The following EPB41L5 variants were observed in gnomAD, a reference collection of about 807,000 sequenced individuals.
EPB41L5 encodes band 4.1-like protein 5.
EPB41L5 carries 55 observed loss-of-function variants against 106.6 expected under a neutral mutation model. That is an observed-to-expected ratio of 0.52 (90% confidence interval 0.42 to 0.65). EPB41L5 has a LOEUF of 0.65. EPB41L5 is among the 30% of genes least tolerant of loss of function. The probability of loss-of-function intolerance (pLI) is 0.00; values close to 1 mark genes in which losing one functional copy is unlikely to be tolerated. For missense variants in EPB41L5, 871 were observed against 882.1 expected (o/e 0.99, Z 0.16); for synonymous variants, 297 against 306.7 (o/e 0.97, Z 0.33).
intron 18 of EPB41L5, among the ~76,000 whole-genome samples, chr2:120,134,888 A>G (rs1373949595): frequency 1.3e-5 from 2 of 152,156 alleles, no homozygotes; most frequent in Non-Finnish European, 2.9e-5. Context: ...CCAACTCTTT[A>G]ATGCCCAGAC....
chr2:120,073,805 T>C (rs984666861), intron 4 of EPB41L5, among the ~76,000 whole-genome samples: 1 of 152,196 alleles, frequency 6.6e-6, no homozygotes, highest in African/African-American at 2.4e-5. Context: ...TTCTTCAGTG[T>C]AGCAGGTTTT....
At chr2:120,038,000 A>G (rs1333806512) in intron 2 of EPB41L5, among the ~76,000 whole-genome samples, 1 of 152,246 alleles carries the variant, frequency 6.6e-6, no homozygotes, top group Non-Finnish European at 1.5e-5. Context: ...GTAGGATATG[A>G]TAACAAAAGC....
intron 16 of EPB41L5, among the ~76,000 whole-genome samples, chr2:120,103,401 G>T (rs192065931): frequency 6.6e-6 from 1 of 152,278 alleles, no homozygotes; most frequent in East Asian, 1.9e-4. Context: ...CTTGGAGAGG[G>T]TGTATCATCT....
At chr2:120,095,178 GTTT>G (rs1683663726) in intron 14 of EPB41L5, among the ~76,000 whole-genome samples, 1 of 152,020 alleles carries the variant, frequency 6.6e-6, no homozygotes, top group African/African-American at 2.4e-5. Flanking sequence ...TTCTGTTTTT[GTTT>G]CATGTATGTT....
chr2:120,070,392 T>C (rs1045411798), intron 3 of EPB41L5, among the ~76,000 whole-genome samples: 28 of 152,340 alleles, frequency 1.8e-4, no homozygotes, highest in African/African-American at 6.3e-4. Flanking sequence ...AGCCGAATTC[T>C]ACCAGAGGTA....
At chr2:120,068,287 G>A (rs1681594773) in intron 3 of EPB41L5, among the ~76,000 whole-genome samples, 1 of 152,266 alleles carries the variant, frequency 6.6e-6, no homozygotes. Context: ...GCCACCTGCA[G>A]ACCAGGAGAT....
chr2:120,093,221 T>A, intron 13 of EPB41L5, 28 bp from the exon 14 acceptor site: 1 of 1,602,104 alleles, frequency 6.2e-7, no homozygotes, highest in South Asian at 1.1e-5. Context: ...ATGAAACTAA[T>A]GAGGTGTTAT....
intron 16 of EPB41L5, among the ~76,000 whole-genome samples, chr2:120,122,234 T>G (rs1041827204): frequency 6.6e-6 from 1 of 152,192 alleles, no homozygotes; most frequent in Non-Finnish European, 1.5e-5. Flanking sequence ...GGTGTTTTAG[T>G]CATGGATTCC....
intron 1 of EPB41L5, 87 bp from the exon 2 acceptor site, chr2:120,018,990 T>C: frequency 2.5e-6 from 3 of 1,187,588 alleles, no homozygotes; most frequent in Non-Finnish European, 3.6e-6. Context: ...TCACAGGACT[T>C]GACTAAATAA....
Position 120,142,996 on chromosome 2 carries a change from T to C in EPB41L5, c.1600-7T>C. The stretch of plus-strand genomic sequence containing the variant: ...AGTTGATTATAGTATATTTTTAAAA[T>C]ATCTAGGAGGAAGTGGTGAAGTTGA... On this transcript the variant is annotated splice_polypyrimidine_tract_variant and splice_region_variant and intron_variant, in intron 18 of 24. Transcript: ENST00000263713. 1.9e-6 allele frequency: 3 copies of C among 1,609,232 alleles called. No individual in the cohort carries two copies. Among genetic ancestry groups the C allele is most frequent in the South Asian group, 1.1e-5 (1 of 90,848 alleles).
chr2:120,082,654 CAGTT>C (rs1397171968), intron 10 of EPB41L5, among the ~76,000 whole-genome samples: 5 of 152,040 alleles, frequency 3.3e-5, no homozygotes, highest in African/African-American at 1.2e-4. Flanking sequence ...CTTTTTCTAT[CAGTT>C]AGAATAGTTT....
At chr2:120,108,037 T>C (rs990767342) in intron 16 of EPB41L5, 3 of 152,196 alleles carry the variant, frequency 2.0e-5, no homozygotes, top group Non-Finnish European at 4.4e-5. Flanking sequence ...GCTTTTTTAT[T>C]GTTATTTTTA....
intron 14 of EPB41L5, 102 bp downstream of exon 14, chr2:120,093,378 C>T: frequency 1.1e-6 from 1 of 918,420 alleles, no homozygotes; most frequent in South Asian, 1.3e-5. Flanking sequence ...GTCAAGTTGT[C>T]CGTAAAGCAC....
At chr2:120,111,242 G>T (rs1001610172) in intron 16 of EPB41L5, among the ~76,000 whole-genome samples, 3 of 152,162 alleles carry the variant, frequency 2.0e-5, no homozygotes, top group African/African-American at 7.2e-5. Context: ...TTAGTTTGAG[G>T]CCACGGATTT....
Position 120,053,264 on chromosome 2 carries a change from A to G in EPB41L5, c.285+11154A>G, listed in dbSNP as rs188838026. Among the ~76,000 whole-genome samples the G allele has an allele frequency of 9.8e-5, 15 of 152,304 alleles. No individual in the cohort carries two copies. The East Asian group carries it at 2.7e-3, about 27-fold the overall frequency. On this transcript the variant is annotated intron_variant, in intron 3 of 24. Transcript: ENST00000263713. ...TTGGAGTAGGAAGCTTAAAGAGAAG[A>G]GAGAAGGCATGCTTAAGTAAAAGAA...
chr2:120,149,888 T>C (rs1345467193), intron 20 of EPB41L5, among the ~76,000 whole-genome samples: 1 of 142,560 alleles, frequency 7.0e-6, no homozygotes, highest in African/African-American at 2.5e-5. Context: ...GGTATTTCAC[T>C]GTACTTTTTT....
At position 120,091,577 on chromosome 2, in the gene EPB41L5, A is replaced by G; in HGVS notation, c.1066A>G (p.Thr356Ala). 1 of 1,613,862 alleles carries G rather than the reference A, an allele frequency of 6.2e-7. No individual in the cohort carries two copies. The highest frequency in any genetic ancestry group is 1.3e-5 in the African/African-American group (1 of 75,044). The change falls in exon 13 of 25, where the codon ACA becomes GCA. Residue 356 changes from threonine to alanine, a missense_variant. Physicochemically the swap from Thr to Ala is moderately conservative, Grantham distance 58 (BLOSUM62 0). Coordinates refer to ENST00000263713, the MANE Select transcript of EPB41L5 (RefSeq NM_020909.4). ...RYSGKTEYQT[T>A]KTNKARRSTS... is the part of the protein sequence containing the mutation. ...TAGTGGGAAAACAGAGTATCAGACCACAAAAACCAATAAAGCAAGAAGATC... is the reference window on the plus strand; with the variant it reads ...TAGTGGGAAAACAGAGTATCAGACCGCAAAAACCAATAAAGCAAGAAGATC...
chr2:120,033,414 A>G (rs1678842370), intron 2 of EPB41L5, among the ~76,000 whole-genome samples: 1 of 152,128 alleles, frequency 6.6e-6, no homozygotes, highest in Non-Finnish European at 1.5e-5. Flanking sequence ...GGTTGGTGCA[A>G]AAGTAATTAT....
At chr2:120,068,826 TA>T (rs35432184) in intron 3 of EPB41L5, among the ~76,000 whole-genome samples, 85,656 of 149,168 alleles carry the variant, frequency 0.57, 26,222 homozygotes, top group East Asian at 0.68. Context: ...ATTGGAACGT[TA>T]AAAAAAAAAG....
Sources: allele counts gnomAD v4.1 joint callset (sites outside exome capture counted in the v4.1 genomes callset), GRCh38; gene constraint gnomAD v4.1.1; transcripts MANE v1.5; gene names NCBI Gene and HGNC (gene_info 2026-07-23, HGNC 2026-07-21).